MICAL3: variants seen among roughly 807,000 people sequenced by gnomAD.
MICAL3 encodes microtubule associated monooxygenase, calponin and LIM domain containing 3, also known as [F-actin]-monooxygenase MICAL3.
Under a neutral mutation model 207.4 loss-of-function variants are expected in MICAL3, and 62 were observed. The ratio of observed to expected loss-of-function variants is 0.30; its 90% CI spans 0.24 to 0.37. MICAL3 has a LOEUF of 0.37. Ranked by LOEUF, MICAL3 falls within the 10% of genes least tolerant of loss-of-function variation. The pLI, the probability that MICAL3 is intolerant of heterozygous loss-of-function variation, is 1.00. For synonymous variants in MICAL3, 1,077 were observed against 1,069.3 expected, an observed-to-expected ratio of 1.01 and a Z score of -0.14; for missense variants, 2,368 against 2,635.6, an observed-to-expected ratio of 0.90 and a Z score of 2.22.
chr22:17,832,487 C>T (rs1423307829), intron 20 of MICAL3, among the ~76,000 whole-genome samples: 2 of 152,208 alleles, frequency 1.3e-5, no homozygotes, highest in Non-Finnish European at 2.9e-5. Flanking sequence ...TTCCTGACTG[C>T]AGCCGCTCAA....
rs1457766150 is a variant in MICAL3, at chr22:17,904,778, C to A, written c.326G>T (p.Gly109Val). ...LRTAIDLSLLGAKVVVIEKRD... is the reference protein window; with the variant it reads ...LRTAIDLSLLVAKVVVIEKRD... ...TTTCTCAATAACAACCACCTTGGCC[C>A]CCAGTAAGGATAAGTCGATGGCTGT... Residue 109 changes from glycine (G) to valine (V), a missense_variant, in exon 3 of 32, where the codon GGG becomes GTG. Transcript: ENST00000441493. The A allele has an allele frequency of 6.2e-7, 1 of 1,613,846 alleles. No homozygotes were observed. The highest frequency in any genetic ancestry group is 8.5e-7 in the Non-Finnish European group (1 of 1,179,868).
At chr22:17,985,178 T>TC (rs1936096542) in intron 1 of MICAL3, among the ~76,000 whole-genome samples, 1 of 151,830 alleles carries the variant, frequency 6.6e-6, no homozygotes, top group East Asian at 1.9e-4. Flanking sequence ...TGTCCCACAG[T>TC]CCTGAGGCAG....
chr22:17,863,344 C>T, intron 19 of MICAL3: 1 of 985,298 alleles, frequency 1.0e-6, no homozygotes, highest in Non-Finnish European at 1.2e-6. Context: ...TGAAATAGGG[C>T]CCAGACTAAT....
At chr22:17,920,512 G>C (rs1392996296) in intron 1 of MICAL3, among the ~76,000 whole-genome samples, 1 of 152,138 alleles carries the variant, frequency 6.6e-6, no homozygotes, top group Non-Finnish European at 1.5e-5. Context: ...TGGCTGCAGC[G>C]CTTCCTGGAA....
intron 1 of MICAL3, among the ~76,000 whole-genome samples, chr22:17,927,195 G>A (rs1055782087): frequency 1.3e-5 from 2 of 152,114 alleles, no homozygotes; most frequent in Non-Finnish European, 2.9e-5. Context: ...GTCTCTCTGT[G>A]TCTGGCTTAT....
intron 1 of MICAL3, among the ~76,000 whole-genome samples, chr22:17,918,761 G>C (rs1234728755): frequency 6.6e-6 from 1 of 152,032 alleles, no homozygotes; most frequent in Non-Finnish European, 1.5e-5. Flanking sequence ...TCTCACCTCA[G>C]CCTCCGCATC....
chr22:17,881,398 G>A lies in MICAL3; in HGVS notation c.2241+4480C>T. Reference sequence around the variant, plus strand: ...GAGGACTGAAGGGTGTTTGTCAGAAGCACCCCAGGGAGGCCTTTCCTTGCC... The same window carrying A: ...GAGGACTGAAGGGTGTTTGTCAGAAACACCCCAGGGAGGCCTTTCCTTGCC... On this transcript the variant is annotated intron_variant, in intron 16 of 31. Transcript: ENST00000441493. 4 of 1,006,634 alleles carry A rather than the reference G, an allele frequency of 4.0e-6. No homozygotes were observed. In the South Asian group the frequency reaches 4.6e-5, roughly 12 times the overall value. 62.4% of individuals were successfully genotyped at this position (1,006,634 alleles called of 1,614,324 possible).
At chr22:17,922,565 T>TG (rs1932825828) in intron 1 of MICAL3, among the ~76,000 whole-genome samples, 1 of 152,110 alleles carries the variant, frequency 6.6e-6, no homozygotes, top group Admixed American at 6.5e-5. Flanking sequence ...ACTAAGTCAC[T>TG]GGTATTATGA....
chr22:17,832,669 T>A (rs1464780211), intron 20 of MICAL3, among the ~76,000 whole-genome samples: 2 of 152,070 alleles, frequency 1.3e-5, no homozygotes, highest in Non-Finnish European at 2.9e-5. Context: ...CCTGGCCCAC[T>A]GTCTAGTTAG....
intron 1 of MICAL3, among the ~76,000 whole-genome samples, chr22:17,955,743 T>C: frequency 6.6e-6 from 1 of 152,178 alleles, no homozygotes; most frequent in East Asian, 1.9e-4. Flanking sequence ...TGCACCTCAA[T>C]ATGTCAGTGA....
At chr22:17,953,633 T>A (rs745381066) in intron 1 of MICAL3, among the ~76,000 whole-genome samples, 19 of 151,938 alleles carry the variant, frequency 1.3e-4, no homozygotes, top group Non-Finnish European at 2.4e-4. Flanking sequence ...CTCTAGTGTT[T>A]GAGAAAAGGA....
intron 19 of MICAL3, chr22:17,842,383 A>G: frequency 4.4e-6 from 1 of 228,444 alleles, no homozygotes; most frequent in Non-Finnish European, 8.8e-6. Flanking sequence ...CTTGCCTGAG[A>G]AGGGCATCCC....
intron 19 of MICAL3, among the ~76,000 whole-genome samples, chr22:17,852,025 G>A (rs1431778210): frequency 1.3e-5 from 2 of 152,174 alleles, no homozygotes; most frequent in Non-Finnish European, 2.9e-5. Context: ...CCAGAGCAGA[G>A]TGCCCCTGAC....
intron 1 of MICAL3, among the ~76,000 whole-genome samples, chr22:17,965,988 G>A (rs1935125230): frequency 6.6e-6 from 1 of 152,188 alleles, no homozygotes. Flanking sequence ...CCCAGGACCA[G>A]AAGAAATAAT....
intron 10 of MICAL3, among the ~76,000 whole-genome samples, chr22:17,894,577 T>A (rs1179085953): frequency 6.6e-6 from 1 of 151,526 alleles, no homozygotes; most frequent in African/African-American, 2.4e-5. Flanking sequence ...GGTGGGCAGA[T>A]CACAAGGTCA....
intron 1 of MICAL3, among the ~76,000 whole-genome samples, chr22:17,930,163 G>A (rs13058527): frequency 0.24 from 35,748 of 152,074 alleles, 4,419 homozygotes; most frequent in Middle Eastern, 0.3. Flanking sequence ...ACAATGCCAC[G>A]AGTAGGCAAC....
In MICAL3 at chr22:17,972,437, G is replaced by A. The variant is rs182252788; in HGVS notation, c.-75+51844C>T. ...CCAGGCTAAGCTACCTGGGAGGGTG[G>A]ACCAGGCACACGCAACAGGTGAACG... On this transcript the variant is annotated intron_variant, in intron 1 of 31. Coordinates refer to ENST00000441493, the MANE Select transcript of MICAL3 (RefSeq NM_015241.3). 3.3e-5 allele frequency among the ~76,000 whole-genome samples: 5 copies of A among 152,298 alleles called. No individual in the cohort carries two copies. The East Asian group carries it at 5.8e-4, about 18-fold the overall frequency.
chr22:17,843,989 G>C (rs1924360035), intron 19 of MICAL3, among the ~76,000 whole-genome samples: 1 of 152,194 alleles, frequency 6.6e-6, no homozygotes, highest in Non-Finnish European at 1.5e-5. Flanking sequence ...TGGGACTACG[G>C]GCGCCTGCCA....
chr22:17,962,349 C>T (rs963226238), intron 1 of MICAL3, among the ~76,000 whole-genome samples: 24 of 152,218 alleles, frequency 1.6e-4, no homozygotes, highest in African/African-American at 5.3e-4. Flanking sequence ...ACAGTGCCAC[C>T]GGAGGCACGC....
Sources: gnomAD v4.1 joint callset for allele counts (sites outside exome capture counted in the v4.1 genomes callset) on GRCh38, gnomAD v4.1.1 for gene constraint, MANE v1.5 for transcripts, NCBI Gene and HGNC (gene_info 2026-07-23, HGNC 2026-07-21) for gene names.